The following DIS3L2 variants were observed in gnomAD, a reference collection of about 807,000 sequenced individuals.
The protein encoded by DIS3L2 is DIS3-like exonuclease 2.
A neutral mutation model predicts 97.5 loss-of-function variants in DIS3L2; 34 were observed. That is an observed-to-expected ratio of 0.35 (90% CI 0.27 to 0.46). The LOEUF is 0.46. Ranked by LOEUF, DIS3L2 falls within the 20% of genes least tolerant of loss-of-function variation. The pLI is 1.00. For synonymous variants in DIS3L2, 435 were observed against 445.2 expected (o/e 0.98, Z 0.29); for missense variants, 1,038 against 1,146.0 (o/e 0.91, Z 1.36).
intron 9 of DIS3L2, among the ~76,000 whole-genome samples, chr2:232,181,984 T>C (rs559987921): frequency 2.6e-5 from 4 of 152,182 alleles, no homozygotes; most frequent in South Asian, 4.2e-4. Flanking sequence ...TTTGTAGAAG[T>C]GAGGTTTCAT....
At chr2:232,204,814 T>C (rs1691986065) in intron 9 of DIS3L2, among the ~76,000 whole-genome samples, 1 of 152,174 alleles carries the variant, frequency 6.6e-6, no homozygotes, top group Non-Finnish European at 1.5e-5. Flanking sequence ...TCCCAAGTGC[T>C]GAGGCCAGCA....
intron 13 of DIS3L2, among the ~76,000 whole-genome samples, chr2:232,266,371 C>G (rs186391640): frequency 1.5e-3 from 224 of 152,314 alleles, no homozygotes; most frequent in Non-Finnish European, 2.7e-3. Context: ...GCAAGAAATT[C>G]AAATTGCCCT....
intron 5 of DIS3L2, among the ~76,000 whole-genome samples, chr2:232,085,630 A>G (rs1053805615): frequency 6.6e-6 from 1 of 152,186 alleles, no homozygotes; most frequent in East Asian, 1.9e-4. Context: ...CCAAGAACCT[A>G]CAAAATCTGC....
chr2:232,216,854 C>T (rs1003018039), intron 10 of DIS3L2, among the ~76,000 whole-genome samples: 4 of 150,870 alleles, frequency 2.7e-5, no homozygotes, highest in Non-Finnish European at 5.9e-5. Flanking sequence ...CCCTCCCCTC[C>T]CCTCTTTTGA....
chr2:232,207,150 C>T (rs954748298), intron 9 of DIS3L2, among the ~76,000 whole-genome samples: 1 of 152,052 alleles, frequency 6.6e-6, no homozygotes, highest in African/African-American at 2.4e-5. Context: ...AGAAGAAGAC[C>T]CAAACATTCC....
intron 6 of DIS3L2, among the ~76,000 whole-genome samples, chr2:232,091,967 G>A (rs1574868436): frequency 6.6e-6 from 1 of 152,104 alleles, no homozygotes; most frequent in Non-Finnish European, 1.5e-5. Flanking sequence ...AGAAGTCTTT[G>A]CCCAGTCCAA....
At chr2:232,183,940 G>A (rs975231946) in intron 9 of DIS3L2, among the ~76,000 whole-genome samples, 1 of 152,176 alleles carries the variant, frequency 6.6e-6, no homozygotes, top group African/African-American at 2.4e-5. Context: ...TAGGCCACTG[G>A]TTTTCACCAC....
At position 232,312,027 on chromosome 2, in the gene DIS3L2, C is replaced by G. The variant is rs181548239; in HGVS notation, c.1739+11908C>G. The stretch of plus-strand genomic sequence containing the variant: ...TAGAGTGCCTTTTCAAATTTCTTGC[C>G]TGTTTTTCTACTGGGTTTTCTGTTT... On this transcript the variant is annotated intron_variant, in intron 14 of 20. Coordinates refer to ENST00000325385, the MANE Select transcript of DIS3L2 (RefSeq NM_152383.5). Among the ~76,000 whole-genome samples, 820 of 152,256 alleles carry G rather than the reference C, an allele frequency of 5.4e-3. 10 individuals carry two copies. Among genetic ancestry groups the G allele is most frequent in the African/African-American group, 0.018 (759 of 41,524 alleles).
intron 9 of DIS3L2, among the ~76,000 whole-genome samples, chr2:232,204,587 G>A (rs1293306151): frequency 6.6e-6 from 1 of 152,116 alleles, no homozygotes; most frequent in Non-Finnish European, 1.5e-5. Flanking sequence ...ATTTTCTGCG[G>A]GTCAGGGTTA....
intron 11 of DIS3L2, among the ~76,000 whole-genome samples, chr2:232,242,086 T>G (rs1387600631): frequency 6.6e-6 from 1 of 152,260 alleles, no homozygotes; most frequent in African/African-American, 2.4e-5. Context: ...GATGTTTTGT[T>G]AACGTCAAAC....
At position 232,268,591 on chromosome 2, in the gene DIS3L2, G is replaced by A. The variant is rs1029677376; in HGVS notation, c.1659+5151G>A. ...TGGCTGTGTTTCAACAAAACTTTAAGAACACTGAGATTTGAATTTTATATA... is the reference window on the plus strand; with the variant it reads ...TGGCTGTGTTTCAACAAAACTTTAAAAACACTGAGATTTGAATTTTATATA... On this transcript the variant is annotated intron_variant, in intron 13 of 20. Transcript: ENST00000325385. The surrounding 1 kb of genome is among the most constrained non-coding windows in gnomAD (Gnocchi z 4.1). Among the ~76,000 whole-genome samples, 1 of 152,174 alleles carries A rather than the reference G, an allele frequency of 6.6e-6. No homozygotes were observed. Among genetic ancestry groups the A allele is most frequent in the Non-Finnish European group, 1.5e-5 (1 of 68,026 alleles).
chr2:231,985,989 G>A (rs1346169694), intron 1 of DIS3L2, among the ~76,000 whole-genome samples: 1 of 152,184 alleles, frequency 6.6e-6, no homozygotes, highest in Admixed American at 6.5e-5. Context: ...GGGTAAGCTG[G>A]CTTGCTGAGT....
intron 12 of DIS3L2, among the ~76,000 whole-genome samples, chr2:232,260,894 C>T (rs1456670582): frequency 6.6e-6 from 1 of 152,128 alleles, no homozygotes; most frequent in African/African-American, 2.4e-5. Context: ...TACTCTTCAA[C>T]TGGCTTTTTC....
chr2:232,226,374 T>G (rs1337168385), intron 10 of DIS3L2, among the ~76,000 whole-genome samples: 8 of 152,220 alleles, frequency 5.3e-5, no homozygotes, highest in African/African-American at 1.9e-4. Context: ...ACTGACTGTC[T>G]GACATTGGGC....
intron 9 of DIS3L2, among the ~76,000 whole-genome samples, chr2:232,175,400 T>C (rs1160704760): frequency 6.6e-6 from 1 of 152,200 alleles, no homozygotes; most frequent in African/African-American, 2.4e-5. Context: ...TTTACATTGC[T>C]AGATTTGGTT....
At chr2:232,243,929 A>G (rs1431488536) in intron 11 of DIS3L2, among the ~76,000 whole-genome samples, 1 of 152,134 alleles carries the variant, frequency 6.6e-6, no homozygotes, top group African/African-American at 2.4e-5. Flanking sequence ...GCCCTCCTTC[A>G]TCCACAGGAC....
chr2:232,139,615 T>C (rs530683382), intron 8 of DIS3L2, among the ~76,000 whole-genome samples: 1 of 152,150 alleles, frequency 6.6e-6, no homozygotes, highest in Non-Finnish European at 1.5e-5. Flanking sequence ...CTACCTACAG[T>C]ACAAAACAGA....
chr2:232,114,612 A>G (rs1426368146), intron 6 of DIS3L2, among the ~76,000 whole-genome samples: 2 of 152,150 alleles, frequency 1.3e-5, no homozygotes. Context: ...TTGTCAAGCT[A>G]TGGGAAATCA....
chr2:232,279,504 GTGTTTGTTTGTTTGTTTGTTTGTTTGTT>G (rs112447261), intron 13 of DIS3L2, among the ~76,000 whole-genome samples: 1 of 149,604 alleles, frequency 6.7e-6, no homozygotes, highest in Admixed American at 6.7e-5. Flanking sequence ...ATTGGTGTGT[GTGTTTGTTTGTTTGTTTGTTTGTTTGTT>G]TGTTTGTTTG....
Sources: allele counts gnomAD v4.1 joint callset (sites outside exome capture counted in the v4.1 genomes callset), GRCh38; gene constraint gnomAD v4.1.1; non-coding constraint Gnocchi (gnomAD v3.1); transcripts MANE v1.5; gene names NCBI Gene and HGNC (gene_info 2026-07-23, HGNC 2026-07-21).